Variants in WDR11 observed in about 807,000 individuals in gnomAD.
WDR11 encodes WD repeat-containing protein 11.
A neutral mutation model predicts 151.2 loss-of-function variants in WDR11; 83 were observed. That is an observed-to-expected ratio of 0.55 (90% CI 0.46 to 0.66). The LOEUF (loss-of-function observed/expected upper bound fraction) is 0.66. WDR11 is among the 30% of genes least tolerant of loss of function. The pLI is 0.00. For missense variants in WDR11, 1,301 were observed against 1,480.9 expected (o/e 0.88, Z 1.99); for synonymous variants, 484 against 533.1 (o/e 0.91, Z 1.27).
At chr10:120,863,898 T>A (rs547535786) in intron 5 of WDR11, among the ~76,000 whole-genome samples, 113 of 152,340 alleles carry the variant, frequency 7.4e-4, no homozygotes, top group Non-Finnish European at 1.3e-3. Context: ...CCAAAATGAC[T>A]TAAGATTACT....
intron 19 of WDR11, among the ~76,000 whole-genome samples, chr10:120,894,330 T>A (rs1847530861): frequency 6.6e-6 from 1 of 152,194 alleles, no homozygotes; most frequent in Admixed American, 6.5e-5. Context: ...GAAATCAGAT[T>A]TCTGCACAAA....
Position 120,909,053 on chromosome 10 carries a change from G to A in WDR11, c.*340G>A, listed in dbSNP as rs1263244473. ...GAATCACTTTTCTCATTGATTAAAT[G>A]TAAAGATTATTGAGAAACCTATAGT... On this transcript the variant is annotated 3_prime_UTR_variant, in exon 29 of 29. Coordinates refer to ENST00000263461, the MANE Select transcript of WDR11 (RefSeq NM_018117.12). 9.6e-6 allele frequency: 3 copies of A among 313,454 alleles called. No homozygotes were observed. Among genetic ancestry groups the A allele is most frequent in the African/African-American group, 4.3e-5 (2 of 46,694 alleles). 19.4% of individuals were successfully genotyped at this position (313,454 alleles called of 1,614,324 possible). A position where few individuals can be genotyped will look rare whatever the true frequency, so the allele number is the denominator to read the frequency against.
chr10:120,861,820 AT>A (rs1846150572), intron 4 of WDR11, among the ~76,000 whole-genome samples: 1 of 152,136 alleles, frequency 6.6e-6, no homozygotes, highest in Non-Finnish European at 1.5e-5. Flanking sequence ...AAAAGGCATA[AT>A]TTGTATTGCT....
chr10:120,867,228 T>C (rs1293874216), intron 9 of WDR11, 59 bp downstream of exon 9: 2 of 1,179,548 alleles, frequency 1.7e-6, no homozygotes, highest in African/African-American at 3.0e-5. Flanking sequence ...GCAAAATTAA[T>C]AGAATCACTC....
intron 9 of WDR11, among the ~76,000 whole-genome samples, chr10:120,867,392 A>G (rs902840581): frequency 3.3e-5 from 5 of 152,246 alleles, no homozygotes; most frequent in African/African-American, 1.2e-4. Flanking sequence ...AGAAATAGAA[A>G]ACGTTCATTC....
At chr10:120,905,298 G>T (rs746322981) in intron 25 of WDR11, 21 bp from the exon 26 acceptor site, 2 of 1,612,524 alleles carry the variant, frequency 1.2e-6, no homozygotes, top group East Asian at 4.5e-5. Context: ...TCACTTAAGG[G>T]GATGCGCTTT....
At position 120,908,813 on chromosome 10, in the gene WDR11, G is replaced by A; in HGVS notation, c.*100G>A. 1.5e-6 allele frequency: 2 copies of A among 1,336,466 alleles called. No homozygotes were observed. The highest frequency in any genetic ancestry group is 3.4e-5 in the Admixed American group (2 of 58,458). The allele number at this position is 1,336,466 out of a possible 1,614,324, so 82.8% of individuals were successfully genotyped here. A position where few individuals can be genotyped will look rare whatever the true frequency, so the allele number is the denominator to read the frequency against. On this transcript the variant is annotated 3_prime_UTR_variant, in exon 29 of 29. Coordinates refer to ENST00000263461, the MANE Select transcript of WDR11 (RefSeq NM_018117.12). ...CAGTCCAGGATGAAGAGGAGTACAGGGTCCTGTGAGCTGTTTGACCACTGT... is the reference window on the plus strand; with the variant it reads ...CAGTCCAGGATGAAGAGGAGTACAGAGTCCTGTGAGCTGTTTGACCACTGT...
At chr10:120,906,346 G>T (rs916862490) in intron 27 of WDR11, 5 of 1,262,766 alleles carry the variant, frequency 4.0e-6, no homozygotes, top group Admixed American at 3.5e-5. Context: ...AGAGCAGGGG[G>T]AGAGGCGACA....
intron 2 of WDR11, among the ~76,000 whole-genome samples, chr10:120,857,084 A>G (rs1845973574): frequency 6.6e-6 from 1 of 152,178 alleles, no homozygotes; most frequent in Middle Eastern, 3.4e-3. Context: ...TATCACATAT[A>G]TATATATGTA....
intron 12 of WDR11, 87 bp from the exon 13 acceptor site, chr10:120,880,739 A>G: frequency 1.8e-6 from 2 of 1,099,878 alleles, no homozygotes; most frequent in South Asian, 2.7e-5. Context: ...GATGGGTAGG[A>G]CTGATCAAAT....
At chr10:120,887,657 A>G (rs183832172) in intron 16 of WDR11, among the ~76,000 whole-genome samples, 1 of 152,284 alleles carries the variant, frequency 6.6e-6, no homozygotes, top group East Asian at 1.9e-4. Context: ...GCTGCCTCAC[A>G]GGCTATTGCA....
At chr10:120,875,982 T>C (rs1034413443) in intron 11 of WDR11, among the ~76,000 whole-genome samples, 5 of 147,280 alleles carry the variant, frequency 3.4e-5, no homozygotes, top group Non-Finnish European at 6.0e-5. Flanking sequence ...TTTTTTCTTT[T>C]TTTTTTTTTT....
chr10:120,854,236 G>T (rs1297004459), intron 2 of WDR11, among the ~76,000 whole-genome samples: 1 of 152,140 alleles, frequency 6.6e-6, no homozygotes, highest in Non-Finnish European at 1.5e-5. Context: ...TGTGTCTGTA[G>T]ACTGGCCCAT....
chr10:120,871,034 C>A, intron 9 of WDR11, 136 bp from the exon 10 acceptor site: 1 of 870,086 alleles, frequency 1.1e-6, no homozygotes, highest in Non-Finnish European at 1.8e-6. Context: ...TCCTTAATAA[C>A]TACAGCCACT....
In WDR11 at chr10:120,908,707, A is replaced by C; in HGVS notation, c.3669A>C (p.Glu1223Asp). ...ELESPKEEPI[E>D]E ...AGTCCCCCAAGGAAGAACCCATTGA[A>C]GAGTGACAGCTTAATAAATGCCAGG... The change falls in exon 29 of 29, where the codon GAA becomes GAC. Residue 1223 changes from glutamate (E) to aspartate (D), a missense_variant. Glu to Asp is a conservative substitution (Grantham distance 45, BLOSUM62 2). Transcript: ENST00000263461. The C allele has an allele frequency of 6.2e-7, 1 of 1,614,136 alleles. No homozygotes were observed. The highest frequency in any genetic ancestry group is 8.5e-7 in the Non-Finnish European group (1 of 1,180,032).
intron 5 of WDR11, 139 bp downstream of exon 5, chr10:120,863,060 T>G (rs1846193901): frequency 3.0e-6 from 2 of 665,218 alleles, no homozygotes; most frequent in South Asian, 3.8e-5. Flanking sequence ...AGGAAAAAAA[T>G]ATTTATTTTT....
At chr10:120,902,978 G>A (rs1377371799) in intron 22 of WDR11, 77 bp from the exon 23 acceptor site, 5 of 1,460,572 alleles carry the variant, frequency 3.4e-6, no homozygotes, top group Non-Finnish European at 4.8e-6. Context: ...CTCCCTTCCA[G>A]TCCCTCAGTC....
At chr10:120,908,103 A>C (rs11199639) in intron 28 of WDR11, 3,961 of 184,376 alleles carry the variant, frequency 0.021, 47 homozygotes, top group African/African-American at 0.037. Context: ...ATAAAAAAAA[A>C]CCAATAGGAC....
At chr10:120,884,003 A>ATG in intron 14 of WDR11, 115 bp downstream of exon 14, 1 of 840,104 alleles carries the variant, frequency 1.2e-6, no homozygotes, top group Non-Finnish European at 2.0e-6. Flanking sequence ...TTGGTTAAAA[A>ATG]TGTGTGTTCA....
Sources: allele counts gnomAD v4.1 joint callset (sites outside exome capture counted in the v4.1 genomes callset), GRCh38; gene constraint gnomAD v4.1.1; transcripts MANE v1.5; gene names NCBI Gene and HGNC (gene_info 2026-07-23, HGNC 2026-07-21).